The following TRRAP variants were observed in gnomAD, a reference collection of about 807,000 sequenced individuals.
TRRAP encodes the protein transformation/transcription domain associated protein, also known as transformation/transcription domain-associated protein.
In TRRAP, 41 loss-of-function variants were observed where a neutral mutation model predicts 438.8. The ratio of observed to expected loss-of-function variants is 0.09; its 90% CI spans 0.07 to 0.12. TRRAP has a LOEUF of 0.12. TRRAP is among the 10% of genes least tolerant of loss of function. The pLI, the probability that TRRAP is intolerant of heterozygous loss-of-function variation, is 1.00. For missense variants in TRRAP, 3,122 were observed against 5,055.1 expected (o/e 0.62, Z 11.60); for synonymous variants, 1,994 against 1,962.9 (o/e 1.02, Z -0.42).
chr7:98,929,678 C>G (rs961328213), intron 23 of TRRAP, among the ~76,000 whole-genome samples: 1 of 151,846 alleles, frequency 6.6e-6, no homozygotes, highest in African/African-American at 2.4e-5. Flanking sequence ...TCTGCAACCT[C>G]CGTCTCCTGG....
rs112948928 is a variant in TRRAP at position 98,937,664 on chromosome 7, T to G, written c.4248T>G (p.Ala1416=). The change falls in exon 30 of 73, where the codon GCT becomes GCG. Residue 1416 remains alanine (A), a synonymous_variant. Transcript: ENST00000456197. Reference sequence around the variant, plus strand: ...TTTTTTAATAGTTTTTAGAAGGTGCTACCATAGAAGTCGATCAAATCCACA... The same window carrying G: ...TTTTTTAATAGTTTTTAGAAGGTGCGACCATAGAAGTCGATCAAATCCACA... ...EACMRKFLEG[A]TIEVDQIHTH... 1.2e-6 allele frequency: 2 copies of G among 1,607,720 alleles called. No individual in the cohort carries two copies. Among genetic ancestry groups the G allele is most frequent in the East Asian group, 2.2e-5 (1 of 44,784 alleles).
intron 46 of TRRAP, among the ~76,000 whole-genome samples, chr7:98,961,991 ATAT>A (rs1791913783): frequency 6.6e-6 from 1 of 152,244 alleles, no homozygotes; most frequent in Admixed American, 6.5e-5. Context: ...CATCAGTTGA[ATAT>A]TATTTTTTTA....
intron 67 of TRRAP, among the ~76,000 whole-genome samples, chr7:99,000,993 T>C (rs1461129830): frequency 6.6e-6 from 1 of 152,252 alleles, no homozygotes; most frequent in African/African-American, 2.4e-5. Flanking sequence ...AATCGTAGAC[T>C]AAGTGGTTCA....
At chr7:98,961,172 G>A in intron 45 of TRRAP, 89 bp from the exon 46 acceptor site, 1 of 1,235,198 alleles carries the variant, frequency 8.1e-7, no homozygotes, top group Non-Finnish European at 1.2e-6. Context: ...AATTAATCCA[G>A]TGCTAGATTT....
intron 26 of TRRAP, among the ~76,000 whole-genome samples, chr7:98,932,301 G>T (rs1554413109): frequency 6.6e-6 from 1 of 152,054 alleles, no homozygotes; most frequent in African/African-American, 2.4e-5. Context: ...TTTTAGTAGA[G>T]ATGGGGTTTC....
intron 21 of TRRAP, among the ~76,000 whole-genome samples, chr7:98,924,089 A>T (rs192746568): frequency 3.9e-5 from 6 of 152,276 alleles, no homozygotes; most frequent in African/African-American, 1.4e-4. Context: ...TCTGCTTTGC[A>T]GAAAGTTCAT....
In TRRAP at chr7:98,949,689, C is replaced by T. The variant is rs1260290215; in HGVS notation, c.4983C>T (p.Asp1661=). The T allele has an allele frequency of 6.2e-7, 1 of 1,613,884 alleles. No individual in the cohort carries two copies. The highest frequency in any genetic ancestry group is 2.2e-5 in the East Asian group (1 of 44,890). The change falls in exon 37 of 73, where the codon GAC becomes GAT. Residue 1661 remains aspartate (D), a synonymous_variant. Coordinates refer to ENST00000456197, the MANE Select transcript of TRRAP (RefSeq NM_001375524.1). ...KIISIIVKND[D]SWLASQHSLV... is the part of the protein sequence containing the mutation. ...TAAGCATTATAGTGAAAAACGATGA[C>T]TCCTGGCTGGCCAGCCAGCACTCTC...
At chr7:98,913,597 G>A (rs1234076813) in intron 18 of TRRAP, among the ~76,000 whole-genome samples, 1 of 152,066 alleles carries the variant, frequency 6.6e-6, no homozygotes, top group Non-Finnish European at 1.5e-5. Context: ...CTTCACTCAG[G>A]TTTTGTGTTT....
chr7:98,982,059 A>G lies in TRRAP; in HGVS notation c.8826+99A>G, dbSNP rs991258633. 8 of 1,207,006 alleles carry G rather than the reference A, an allele frequency of 6.6e-6. No individual in the cohort carries two copies. The South Asian group carries it at 1.5e-4, about 22-fold the overall frequency. The allele number at this position is 1,207,006 out of a possible 1,614,324, so 74.8% of individuals were successfully genotyped here. ...CTGCAGACTGCTCCGGACAGCAGAGATGAAACTCCTTCTGCTTGTCTTGTC... is the reference window on the plus strand; with the variant it reads ...CTGCAGACTGCTCCGGACAGCAGAGGTGAAACTCCTTCTGCTTGTCTTGTC... On this transcript the variant is annotated intron_variant, in intron 59 of 72. Transcript: ENST00000456197.
intron 20 of TRRAP, among the ~76,000 whole-genome samples, chr7:98,920,794 G>A (rs977051111): frequency 7.9e-5 from 12 of 151,888 alleles, no homozygotes; most frequent in African/African-American, 2.9e-4. Context: ...TCCCACCCAG[G>A]ACTGGAACCT....
At position 98,981,778 on chromosome 7, in the gene TRRAP, A is replaced by G. The variant is rs1792933099; in HGVS notation, c.8644A>G (p.Ser2882Gly). ...MKEALVQVEV[S>G]CPKEMAWKVN... Reference sequence around the variant, plus strand: ...GTTCTTTCACTGCCAGGTGGAAGTGAGCTGTCCGAAGGAGATGGCCTGGAA... The same window carrying G: ...GTTCTTTCACTGCCAGGTGGAAGTGGGCTGTCCGAAGGAGATGGCCTGGAA... The change falls in exon 59 of 73, where the codon AGC (serine) becomes GGC (glycine). Residue 2882 changes from serine to glycine, a missense_variant. Physicochemically the swap from Ser to Gly is moderately conservative, Grantham distance 56. Around this residue, in one of 24 missense-constraint regions of TRRAP, gnomAD observed 992 missense variants for 1,281.2 expected, o/e 0.77. Coordinates refer to ENST00000456197, the MANE Select transcript of TRRAP (RefSeq NM_001375524.1). The G allele has an allele frequency of 1.3e-6, 2 of 1,599,866 alleles. No individual in the cohort carries two copies. Among genetic ancestry groups the G allele is most frequent in the Non-Finnish European group, 8.5e-7 (1 of 1,174,154 alleles).
intron 26 of TRRAP, 51 bp downstream of exon 26, chr7:98,931,716 C>T (rs782007886): frequency 6.3e-7 from 1 of 1,581,658 alleles, no homozygotes; most frequent in African/African-American, 1.4e-5. Flanking sequence ...ACTTTTGAGC[C>T]TTTTTTTTAA....
At position 98,988,876 on chromosome 7, in the gene TRRAP, G is replaced by A. The variant is rs1275098133; in HGVS notation, c.9501G>A (p.Arg3167=). 2 of 1,614,084 alleles carry A rather than the reference G, an allele frequency of 1.2e-6. No individual in the cohort carries two copies. Among genetic ancestry groups the A allele is most frequent in the African/African-American group, 2.7e-5 (2 of 74,932 alleles). The change falls in exon 63 of 73, where the codon CGG becomes CGA. Residue 3167 remains arginine (R), a synonymous_variant. Coordinates refer to ENST00000456197, the MANE Select transcript of TRRAP (RefSeq NM_001375524.1). ...TGGAGAACATCTTTGTGAAGGAGCG[G>A]CAGCTGCACCTGGGCGTGTCTGCCA... ...DYLENIFVKE[R]QLHLGVSAIT...
intron 65 of TRRAP, 92 bp downstream of exon 65, chr7:98,992,319 C>A: frequency 7.5e-7 from 1 of 1,330,172 alleles, no homozygotes; most frequent in Non-Finnish European, 1.1e-6. Context: ...GCCACCCCTG[C>A]CCTGCAGCTC....
chr7:98,903,635 T>C (rs1796572604), intron 12 of TRRAP, 118 bp downstream of exon 12: 2 of 1,428,538 alleles, frequency 1.4e-6, no homozygotes, highest in African/African-American at 2.8e-5. Context: ...CTTCCTTCAT[T>C]GCTGTCTTGG....
At chr7:98,962,972 T>C (rs1791983198) in intron 47 of TRRAP, among the ~76,000 whole-genome samples, 1 of 152,216 alleles carries the variant, frequency 6.6e-6, no homozygotes. Flanking sequence ...TCCTAGACTT[T>C]GGATTAGTGC....
intron 2 of TRRAP, 129 bp from the exon 3 acceptor site, chr7:98,881,846 C>T (rs1397817374): frequency 1.0e-6 from 1 of 969,918 alleles, no homozygotes; most frequent in Non-Finnish European, 1.5e-6. Flanking sequence ...TATGTGCCTT[C>T]TATTAGGCCA....
chr7:98,993,866 C>T (rs1279928700), intron 66 of TRRAP, 129 bp downstream of exon 66: 4 of 901,246 alleles, frequency 4.4e-6, no homozygotes, highest in Non-Finnish European at 6.8e-6. Context: ...TGAACTTAAC[C>T]ATGGACCAGG....
At position 98,930,006 on chromosome 7, in the gene TRRAP, T is replaced by C; in HGVS notation, c.3193T>C (p.Cys1065Arg). The C allele has an allele frequency of 6.2e-7, 1 of 1,614,180 alleles. No homozygotes were observed. Among genetic ancestry groups the C allele is most frequent in the Non-Finnish European group, 8.5e-7 (1 of 1,180,028 alleles). The change falls in exon 24 of 73, where the codon TGC (cysteine) becomes CGC (arginine). Residue 1065 changes from cysteine (C) to arginine (R), a missense_variant. Transcript: ENST00000456197. Reference sequence around the variant, plus strand: ...CCTTTTAGGCCCTTTCTTGCTGCCTTGCTACCAGGTGGGCAGCCAGCCCAG... The same window carrying C: ...CCTTTTAGGCCCTTTCTTGCTGCCTCGCTACCAGGTGGGCAGCCAGCCCAG... The part of the protein sequence containing the change: ...AQQCGPFLLP[C>R]YQVGSQPSTA...
Sources: allele counts gnomAD v4.1 joint callset (sites outside exome capture counted in the v4.1 genomes callset), GRCh38; gene constraint gnomAD v4.1.1; regional missense constraint gnomAD v4.1.1; transcripts MANE v1.5; gene names NCBI Gene and HGNC (gene_info 2026-07-23, HGNC 2026-07-21).